CSMD3: variants seen among roughly 807,000 people sequenced by gnomAD.
The protein encoded by CSMD3 is CUB and sushi domain-containing protein 3.
In CSMD3, 177 loss-of-function variants were observed where a neutral mutation model predicts 435.2. That is an observed-to-expected ratio of 0.41 (90% CI 0.36 to 0.46). The LOEUF is 0.46. CSMD3 is among the 20% of genes least tolerant of loss of function. CSMD3 has a pLI of 0.34. For missense variants in CSMD3, 4,265 were observed against 4,504.6 expected, an observed-to-expected ratio of 0.95 and a Z score of 1.52; for synonymous variants, 1,656 against 1,520.5, an observed-to-expected ratio of 1.09 and a Z score of -2.07.
chr8:113,335,725 T>C (rs1383292501), intron 1 of CSMD3, among the ~76,000 whole-genome samples: 1 of 151,878 alleles, frequency 6.6e-6, no homozygotes, highest in Admixed American at 6.6e-5. Flanking sequence ...CTGTTGGATA[T>C]TACAATGTTG....
intron 45 of CSMD3, among the ~76,000 whole-genome samples, chr8:112,333,500 T>C (rs760275551): frequency 5.3e-5 from 8 of 152,282 alleles, no homozygotes; most frequent in Admixed American, 2.0e-4. Flanking sequence ...ATTCTATTTC[T>C]ATCACACATG....
intron 32 of CSMD3, among the ~76,000 whole-genome samples, chr8:112,438,098 T>G (rs1274071666): frequency 6.6e-6 from 1 of 152,196 alleles, no homozygotes; most frequent in African/African-American, 2.4e-5. Context: ...CCAAAATAAT[T>G]ATCTCTGATA....
intron 22 of CSMD3, among the ~76,000 whole-genome samples, chr8:112,619,688 T>G (rs373320617): frequency 2.0e-5 from 3 of 152,126 alleles, no homozygotes; most frequent in East Asian, 3.9e-4. Context: ...AGTTTGCACA[T>G]TGCTCTTGCC....
chr8:112,875,524 GT>G (rs2081258600), intron 10 of CSMD3, among the ~76,000 whole-genome samples: 1 of 152,070 alleles, frequency 6.6e-6, no homozygotes, highest in Non-Finnish European at 1.5e-5. Flanking sequence ...TTCCAACTTG[GT>G]TCCATTCTCC....
At chr8:112,782,192 A>G (rs2078406509) in intron 13 of CSMD3, among the ~76,000 whole-genome samples, 1 of 150,450 alleles carries the variant, frequency 6.6e-6, no homozygotes, top group African/African-American at 2.5e-5. Context: ...AAGATAACAC[A>G]GAGAAGGAAT....
chr8:112,929,336 C>T (rs920373855), intron 9 of CSMD3, among the ~76,000 whole-genome samples: 3 of 149,852 alleles, frequency 2.0e-5, no homozygotes, highest in African/African-American at 4.9e-5. Context: ...ATGTAACTAA[C>T]CTGCACAATG....
intron 32 of CSMD3, among the ~76,000 whole-genome samples, chr8:112,462,599 A>G (rs1283551955): frequency 6.6e-6 from 1 of 152,210 alleles, no homozygotes. Context: ...TATTATAGTG[A>G]AATTCTTGCA....
At chr8:113,137,611 C>A (rs1210814444) in intron 4 of CSMD3, among the ~76,000 whole-genome samples, 2 of 151,562 alleles carry the variant, frequency 1.3e-5, no homozygotes, top group Non-Finnish European at 3.0e-5. Context: ...AAGATGGCAC[C>A]TTGTTACTGC....
chr8:112,241,121 A>G (rs1045707805), intron 66 of CSMD3, among the ~76,000 whole-genome samples: 3 of 152,010 alleles, frequency 2.0e-5, no homozygotes, highest in African/African-American at 7.2e-5. Context: ...CATGAAGCTT[A>G]TTATATAATT....
At chr8:112,866,689 G>A (rs909987100) in intron 10 of CSMD3, among the ~76,000 whole-genome samples, 6 of 152,004 alleles carry the variant, frequency 3.9e-5, no homozygotes, top group Non-Finnish European at 7.4e-5. Context: ...TATTAGCCAG[G>A]CATAAGGATG....
intron 32 of CSMD3, among the ~76,000 whole-genome samples, chr8:112,440,191 G>A (rs1392952880): frequency 6.6e-6 from 1 of 152,144 alleles, no homozygotes; most frequent in African/African-American, 2.4e-5. Context: ...AGTTCCAAAT[G>A]GGAGAAATTG....
At chr8:113,002,931 T>C (rs2085917752) in intron 6 of CSMD3, among the ~76,000 whole-genome samples, 1 of 152,076 alleles carries the variant, frequency 6.6e-6, no homozygotes, top group South Asian at 2.1e-4. Flanking sequence ...AAGTTTATTT[T>C]TAGTCATGAT....
chr8:113,142,909 A>T (rs192806113), intron 4 of CSMD3, among the ~76,000 whole-genome samples: 1 of 150,294 alleles, frequency 6.7e-6, no homozygotes, highest in African/African-American at 2.4e-5. Flanking sequence ...ACATGCAAAA[A>T]TTAAAAGTAA....
intron 13 of CSMD3, among the ~76,000 whole-genome samples, chr8:112,765,800 G>C (rs1308351773): frequency 6.6e-6 from 1 of 151,632 alleles, no homozygotes; most frequent in Admixed American, 6.6e-5. Context: ...TTTCTACTCG[G>C]AAAGATCTCC....
intron 13 of CSMD3, among the ~76,000 whole-genome samples, chr8:112,706,958 T>A (rs535859420): frequency 9.7e-4 from 148 of 152,214 alleles, no homozygotes; most frequent in South Asian, 2.1e-3. Flanking sequence ...TGTCTATTTT[T>A]TAAACATTTT....
At chr8:113,366,572 T>C (rs753658144) in intron 1 of CSMD3, among the ~76,000 whole-genome samples, 3 of 152,118 alleles carry the variant, frequency 2.0e-5, no homozygotes, top group African/African-American at 7.2e-5. Flanking sequence ...GCAAATTTTC[T>C]TCATTTTGTC....
At chr8:113,342,856 T>G (rs1274949024) in intron 1 of CSMD3, among the ~76,000 whole-genome samples, 1 of 151,648 alleles carries the variant, frequency 6.6e-6, no homozygotes, top group African/African-American at 2.4e-5. Context: ...CTGTACATAC[T>G]GTTATTATAT....
intron 11 of CSMD3, among the ~76,000 whole-genome samples, chr8:112,836,811 A>G (rs564425634): frequency 2.1e-4 from 32 of 151,906 alleles, no homozygotes; most frequent in Non-Finnish European, 4.3e-4. Context: ...TGTAAACTGA[A>G]GACATTCCAA....
chr8:113,045,947 C>G (rs113396549), intron 5 of CSMD3, among the ~76,000 whole-genome samples: 3 of 149,454 alleles, frequency 2.0e-5, no homozygotes, highest in Admixed American at 6.6e-5. Flanking sequence ...ACCAAAATAT[C>G]TGGGAAATTT....
Sources: allele counts gnomAD v4.1 joint callset (sites outside exome capture counted in the v4.1 genomes callset), GRCh38; gene constraint gnomAD v4.1.1; transcripts MANE v1.5; gene names NCBI Gene and HGNC (gene_info 2026-07-23, HGNC 2026-07-21).